The following PCDHGA1 variants were observed in gnomAD, a reference collection of about 807,000 sequenced individuals.
PCDHGA1 encodes protocadherin gamma subfamily A, 1.
A neutral mutation model predicts 58.0 loss-of-function variants in PCDHGA1; 32 were observed. That is an observed-to-expected ratio of 0.55 (90% CI 0.42 to 0.74). The LOEUF (loss-of-function observed/expected upper bound fraction) is 0.74. PCDHGA1 is among the 30% of genes least tolerant of loss of function. The pLI, the probability that PCDHGA1 is intolerant of heterozygous loss-of-function variation, is 0.00. For missense variants in PCDHGA1, 1,205 were observed against 1,182.3 expected (o/e 1.02, Z -0.28); for synonymous variants, 498 against 501.1 (o/e 0.99, Z 0.08).
At position 141,355,028 on chromosome 5, in the gene PCDHGA1, C is replaced by T. The variant is rs1759694339; in HGVS notation, c.2421+21923C>T. Reference sequence around the variant, plus strand: ...CAAACCAGAAATTTAATCAGAATCACAAGATTTCTGCAGCACAAAGCACTG... The same window carrying T: ...CAAACCAGAAATTTAATCAGAATCATAAGATTTCTGCAGCACAAAGCACTG... On this transcript the variant is annotated intron_variant, in intron 1 of 3. Transcript: ENST00000517417. The T allele has an allele frequency of 1.3e-5, 13 of 968,218 alleles. No individual in the cohort carries two copies. The South Asian group carries it at 3.2e-4, about 24-fold the overall frequency. The allele number at this position is 968,218 out of a possible 1,614,324, so 60.0% of individuals were successfully genotyped here.
At chr5:141,381,974 C>T (rs1049134937) in intron 1 of PCDHGA1, among the ~76,000 whole-genome samples, 18 of 151,606 alleles carry the variant, frequency 1.2e-4, no homozygotes, top group Admixed American at 5.9e-4. Flanking sequence ...GGATTACAGG[C>T]GCGCGCCACC....
At position 141,334,883 on chromosome 5, in the gene PCDHGA1, G is replaced by A. The variant is rs1375469194; in HGVS notation, c.2421+1778G>A. On this transcript the variant is annotated intron_variant, in intron 1 of 3. Coordinates refer to ENST00000517417, the MANE Select transcript of PCDHGA1 (RefSeq NM_018912.3). The surrounding 1 kb of genome is among the most constrained non-coding windows in gnomAD (Gnocchi z 4.6). ...CTGAACCCAGGAGGGAAGGAGAGAG[G>A]GATATAGTGTAGAAGAGAAAAAAAC... Among the ~76,000 whole-genome samples, 1 of 151,908 alleles carries A rather than the reference G, an allele frequency of 6.6e-6. No homozygotes were observed. Among genetic ancestry groups the A allele is most frequent in the Non-Finnish European group, 1.5e-5 (1 of 67,980 alleles).
At chr5:141,435,362 C>A (rs2097758711) in intron 1 of PCDHGA1, among the ~76,000 whole-genome samples, 1 of 152,120 alleles carries the variant, frequency 6.6e-6, no homozygotes, top group Admixed American at 6.6e-5. Flanking sequence ...AAAATTTTAT[C>A]ACTTAAATAT....
chr5:141,394,076 A>C (rs1329419086), intron 1 of PCDHGA1: 1 of 1,613,896 alleles, frequency 6.2e-7, no homozygotes, highest in Admixed American at 1.7e-5. Flanking sequence ...ACAATATCAC[A>C]GTGATGGCCT....
intron 1 of PCDHGA1, chr5:141,352,683 A>G (rs1230396001): frequency 6.4e-7 from 1 of 1,563,666 alleles, no homozygotes; most frequent in Non-Finnish European, 8.7e-7. Context: ...AGTTTCTGCA[A>G]ATCTAGTTAA....
At chr5:141,369,395 G>A (rs1766207987) in intron 1 of PCDHGA1, among the ~76,000 whole-genome samples, 1 of 152,102 alleles carries the variant, frequency 6.6e-6, no homozygotes, top group Non-Finnish European at 1.5e-5. Context: ...TTTGGGCCAG[G>A]GTGGTTCATG....
chr5:141,354,185 T>C (rs943289556), intron 1 of PCDHGA1, among the ~76,000 whole-genome samples: 2 of 152,268 alleles, frequency 1.3e-5, no homozygotes, highest in African/African-American at 2.4e-5. Context: ...ATCTGCACTT[T>C]ATAGTTATTC....
chr5:141,393,984 C>T (rs1176875822), intron 1 of PCDHGA1: 1 of 1,613,570 alleles, frequency 6.2e-7, no homozygotes, highest in Non-Finnish European at 8.5e-7. Flanking sequence ...TGATAATTTA[C>T]CTTTTAAATT....
At chr5:141,333,308 CTG>C (rs1217590316) in intron 1 of PCDHGA1, 1 of 812,686 alleles carries the variant, frequency 1.2e-6, no homozygotes, top group East Asian at 2.7e-5. Context: ...GAAAAGGAGA[CTG>C]TGATCATAAT....
chr5:141,384,294 C>T, intron 1 of PCDHGA1: 1 of 1,613,864 alleles, frequency 6.2e-7, no homozygotes. Context: ...CTGAGAACAA[C>T]CCCAGAGGGG....
At chr5:141,419,756 G>A in intron 1 of PCDHGA1, 7 of 1,614,008 alleles carry the variant, frequency 4.3e-6, no homozygotes, top group East Asian at 2.2e-5. Flanking sequence ...GCGTGCTTTG[G>A]GTGACAAGGA....
chr5:141,332,583 G>T lies in PCDHGA1; in HGVS notation c.1899G>T (p.Leu633=), dbSNP rs1340498691. The T allele has an allele frequency of 6.2e-7, 1 of 1,612,808 alleles. No homozygotes were observed. The change falls in exon 1 of 4, where the codon CTG becomes CTT. Residue 633 remains leucine (L), a synonymous_variant. Transcript: ENST00000517417. The surrounding 1 kb of genome is among the most constrained non-coding windows in gnomAD (Gnocchi z 4.6). ...TGEVRTARAL[L]DRDALKQSLV... is the part of the protein sequence containing the mutation. ...AGGTGCGCACGGCGCGAGCCCTGCT[G>T]GACAGAGACGCGCTCAAGCAGAGTC... is the stretch of plus-strand genomic sequence containing the variant.
In PCDHGA1 at chr5:141,423,740, GA is replaced by G. The variant is rs778655137; in HGVS notation, c.2422-71063del. 7 of 698,952 alleles carry G rather than the reference GA, an allele frequency of 1.0e-5. No individual in the cohort carries two copies. The African/African-American group carries it at 1.9e-4, about 19-fold the overall frequency. The allele number at this position is 698,952 out of a possible 1,614,324, so 43.3% of individuals were successfully genotyped here. ...AGGAGATGTTTTTTGAGCCTGTTAT[GA>G]AAACTGTTTGGGGGGGGGGTGGGGC... On this transcript the variant is annotated intron_variant, in intron 1 of 3. Coordinates refer to ENST00000517417, the MANE Select transcript of PCDHGA1 (RefSeq NM_018912.3).
chr5:141,341,032 G>A (rs142977117), intron 1 of PCDHGA1: 4 of 1,614,112 alleles, frequency 2.5e-6, no homozygotes, highest in Non-Finnish European at 3.4e-6. Flanking sequence ...CCAACGATTC[G>A]GACCTCACTC....
intron 1 of PCDHGA1, chr5:141,392,745 G>T: frequency 6.9e-7 from 1 of 1,441,296 alleles, no homozygotes; most frequent in Non-Finnish European, 9.1e-7. Flanking sequence ...CCATAGCTGC[G>T]GCAAGAAACT....
chr5:141,497,892 C>T (rs2099780275), intron 2 of PCDHGA1, among the ~76,000 whole-genome samples: 1 of 152,138 alleles, frequency 6.6e-6, no homozygotes, highest in Admixed American at 6.6e-5. Flanking sequence ...AGGATCTAGT[C>T]CAGTAACTTC....
At chr5:141,405,407 CT>C (rs762612492) in intron 1 of PCDHGA1, 3 of 1,582,042 alleles carry the variant, frequency 1.9e-6, no homozygotes, top group South Asian at 1.1e-5. Context: ...TCTTTCTTTT[CT>C]TTTTTTGTTT....
rs1588439201 is a variant in PCDHGA1, at chr5:141,332,706, C to T, written c.2022C>T (p.Asp674=). Residue 674 remains aspartate, a synonymous_variant, in exon 1 of 4, where the codon GAC becomes GAT. Coordinates refer to ENST00000517417, the MANE Select transcript of PCDHGA1 (RefSeq NM_018912.3). This position sits in a 1 kb window ranked among gnomAD's most constrained non-coding sequence, Gnocchi z 4.6. ...ACAGGATCTCCGACATCCTGGCCGA[C>T]CTGGGCAGCCTCGAGCCCTCCGCCA... ...VADRISDILA[D]LGSLEPSAKP... The T allele has an allele frequency of 1.9e-6, 3 of 1,613,950 alleles. No homozygotes were observed. Among genetic ancestry groups the T allele is most frequent in the Non-Finnish European group, 2.5e-6 (3 of 1,179,964 alleles).
At position 141,423,457 on chromosome 5, in the gene PCDHGA1, G is replaced by A. The variant is rs148481587; in HGVS notation, c.2422-71350G>A. 6.9e-5 allele frequency: 111 copies of A among 1,614,010 alleles called. 2 individuals carry two copies. The South Asian group carries it at 9.3e-4, about 14-fold the overall frequency. ...TATGCCCACGTCACATTTTGTAGGC[G>A]TGGACGGGGTACAGGCTTTCCTGCA... On this transcript the variant is annotated intron_variant, in intron 1 of 3. Coordinates refer to ENST00000517417, the MANE Select transcript of PCDHGA1 (RefSeq NM_018912.3).
Sources: allele counts gnomAD v4.1 joint callset (sites outside exome capture counted in the v4.1 genomes callset), GRCh38; gene constraint gnomAD v4.1.1; non-coding constraint Gnocchi (gnomAD v3.1); transcripts MANE v1.5; gene names NCBI Gene and HGNC (gene_info 2026-07-23, HGNC 2026-07-21).